The following MMP25 variants were observed in gnomAD, a reference collection of about 807,000 sequenced individuals.
The protein encoded by MMP25 is matrix metallopeptidase 25.
A neutral mutation model predicts 62.1 loss-of-function variants in MMP25; 68 were observed. The ratio of observed to expected loss-of-function variants is 1.10; its 90% CI spans 0.90 to 1.34. The LOEUF is 1.34. Ranked by LOEUF, MMP25 falls within the 40% of genes most tolerant of loss-of-function variation. MMP25 has a pLI of 0.00. For synonymous variants in MMP25, 407 were observed against 345.6 expected, an observed-to-expected ratio of 1.18 and a Z score of -1.97; for missense variants, 942 against 792.5, an observed-to-expected ratio of 1.19 and a Z score of -2.26.
intron 2 of MMP25, among the ~76,000 whole-genome samples, chr16:3,048,980 G>T (rs1955860249): frequency 6.6e-6 from 1 of 151,768 alleles, no homozygotes; most frequent in Non-Finnish European, 1.5e-5. Flanking sequence ...TAATTTTTTT[G>T]TATGTTTAGT....
Position 3,057,600 on chromosome 16 carries a change from T to G in MMP25, c.993T>G (p.Thr331=), listed in dbSNP as rs767710690. The change falls in exon 7 of 10, where the codon ACT becomes ACG. Residue 331 remains threonine (T), a synonymous_variant. Transcript: ENST00000336577. ...CCATCGCCAACATCCGAGGGGAAAC[T>G]TTCTTCTTCAAAGGTGAGTCATTTC... ...FDAIANIRGE[T]FFFKGPWFWR... 6.2e-7 allele frequency: 1 copy of G among 1,614,038 alleles called. No homozygotes were observed. The highest frequency in any genetic ancestry group is 2.2e-5 in the East Asian group (1 of 44,898).
Position 3,046,651 on chromosome 16 carries a change from G to C in MMP25, c.-267G>C. ...GCCGCCGCGGCACATCCAGACCTCC[G>C]CCGCTCCCGCGCCCTCTCAACCATC... On this transcript the variant is annotated 5_prime_UTR_variant, in exon 1 of 10. Transcript: ENST00000336577. The C allele has an allele frequency of 5.2e-6, 1 of 192,962 alleles. No homozygotes were observed. The allele number at this position is 192,962 out of a possible 1,614,324, so 12.0% of individuals were successfully genotyped here. A position where few individuals can be genotyped will look rare whatever the true frequency, so the allele number is the denominator to read the frequency against.
chr16:3,059,935 A>T lies in MMP25; in HGVS notation c.*837A>T, dbSNP rs1266779710. 1 of 152,210 alleles carries T rather than the reference A, an allele frequency of 6.6e-6. No individual in the cohort carries two copies. The highest frequency in any genetic ancestry group is 1.5e-5 in the Non-Finnish European group (1 of 68,148). 9.4% of individuals were successfully genotyped at this position (152,210 alleles called of 1,614,324 possible). On this transcript the variant is annotated 3_prime_UTR_variant, in exon 10 of 10. Transcript: ENST00000336577. ...CTCCCTGGGCCCAGAACTGCCTTCC[A>T]TTCAATGGGGAACCCTTCTATCCCC...
At chr16:3,054,250 A>T (rs555893531) in intron 4 of MMP25, 1 of 152,396 alleles carries the variant, frequency 6.6e-6, no homozygotes, top group South Asian at 1.8e-4. Context: ...GCAGGGATGA[A>T]TGGACGGACA....
intron 4 of MMP25, among the ~76,000 whole-genome samples, chr16:3,055,512 G>T (rs1383978649): frequency 6.6e-6 from 1 of 152,182 alleles, no homozygotes; most frequent in Non-Finnish European, 1.5e-5. Context: ...CAGAGCCAGG[G>T]TACCTGGCCA....
chr16:3,059,404 C>A lies in MMP25; in HGVS notation c.*306C>A, dbSNP rs1313957596. 4 of 282,344 alleles carry A rather than the reference C, an allele frequency of 1.4e-5. No individual in the cohort carries two copies. In the East Asian group the frequency reaches 1.7e-4, roughly 12 times the overall value. The allele number at this position is 282,344 out of a possible 1,614,324, so 17.5% of individuals were successfully genotyped here. On this transcript the variant is annotated 3_prime_UTR_variant, in exon 10 of 10. Coordinates refer to ENST00000336577, the MANE Select transcript of MMP25 (RefSeq NM_022468.5). ...GCCCCCGTCGTTCCCTCCCGGCTGC[C>A]GCCAGGGGGCGGTCGGACCCCGCCT...
rs1335703710 is a variant in MMP25, at chr16:3,058,392, TC to T, written c.1160-17del. The T allele has an allele frequency of 2.0e-6, 3 of 1,510,922 alleles. No homozygotes were observed. The African/African-American group carries it at 4.3e-5, about 22-fold the overall frequency. The allele number at this position is 1,510,922 out of a possible 1,614,324, so 93.6% of individuals were successfully genotyped here. On this transcript the variant is annotated intron_variant, in intron 8 of 9. Transcript: ENST00000336577. Reference sequence around the variant, plus strand: ...CGGCGCGGGGAGCCCACCCCTGACCTCCCGGCCTCCACCCTGCAGGGCCCCA... The same window carrying T: ...CGGCGCGGGGAGCCCACCCCTGACCTCCGGCCTCCACCCTGCAGGGCCCCA...
Position 3,059,215 on chromosome 16 carries a change from C to T in MMP25, c.*117C>T. 3 of 1,266,174 alleles carry T rather than the reference C, an allele frequency of 2.4e-6. No homozygotes were observed. The highest frequency in any genetic ancestry group is 3.4e-5 in the South Asian group (2 of 58,680). 78.4% of individuals were successfully genotyped at this position (1,266,174 alleles called of 1,614,324 possible). ...CCTTGTCTGTTCCCACGGACGGGGGCTCGGGCGCGGACTAAGCAGGGGGGA... is the reference window on the plus strand; with the variant it reads ...CCTTGTCTGTTCCCACGGACGGGGGTTCGGGCGCGGACTAAGCAGGGGGGA... On this transcript the variant is annotated 3_prime_UTR_variant, in exon 10 of 10. Coordinates refer to ENST00000336577, the MANE Select transcript of MMP25 (RefSeq NM_022468.5).
Position 3,057,210 on chromosome 16 carries a change from G to A in MMP25, c.838+1G>A. The A allele has an allele frequency of 1.2e-6, 2 of 1,613,190 alleles. No homozygotes were observed. The highest frequency in any genetic ancestry group is 1.7e-6 in the Non-Finnish European group (2 of 1,179,568). The stretch of plus-strand genomic sequence containing the variant: ...CGCGATGGCCTGCAGCAACTCTATG[G>A]TAGGGGGAGAGGGACCTGCCGCGAA... On this transcript the variant is annotated splice_donor_variant, in intron 5 of 9. Coordinates refer to ENST00000336577, the MANE Select transcript of MMP25 (RefSeq NM_022468.5). LOFTEE classifies it high-confidence loss of function.
In MMP25 at chr16:3,058,971, C is replaced by A. The variant is rs569853317; in HGVS notation, c.1562C>A (p.Pro521His). The A allele has an allele frequency of 9.7e-6, 15 of 1,554,270 alleles. No homozygotes were observed. The highest frequency in any genetic ancestry group is 1.3e-5 in the Non-Finnish European group (15 of 1,149,154). The change falls in exon 10 of 10, where the codon CCC (proline) becomes CAC (histidine). Residue 521 changes from proline to histidine, a missense_variant. Pro to His is a moderately conservative substitution (Grantham distance 77). Transcript: ENST00000336577. ...TCTGGTCCCCGCGCCCCCAGGCCCCCCAAAGCGACCCCCGTGTCCGAAACC... is the reference window on the plus strand; with the variant it reads ...TCTGGTCCCCGCGCCCCCAGGCCCCACAAAGCGACCCCCGTGTCCGAAACC... ...PSSGPRAPRPPKATPVSETCD... is the reference protein window; with the variant it reads ...PSSGPRAPRPHKATPVSETCD...
In MMP25 at chr16:3,050,295, C is replaced by A; in HGVS notation, c.410C>A (p.Thr137Asn). The change falls in exon 4 of 10, where the codon ACC (threonine) becomes AAC (asparagine). Residue 137 changes from threonine to asparagine, a missense_variant. By Grantham distance (65) the Thr-to-Asn change is moderately conservative. Transcript: ENST00000336577. ...CAGAGCTCCCAGCTGAGCCAGGAGA[C>A]CGTGCGGGTCCTCATGAGCTATGCC... ...FPQSSQLSQE[T>N]VRVLMSYALM... 2 of 1,609,432 alleles carry A rather than the reference C, an allele frequency of 1.2e-6. No individual in the cohort carries two copies. Among genetic ancestry groups the A allele is most frequent in the Non-Finnish European group, 1.7e-6 (2 of 1,176,792 alleles).
Position 3,050,108 on chromosome 16 carries a change from G to A in MMP25, c.332G>A (p.Ser111Asn), listed in dbSNP as rs146614659. ...AGGCGGCGTCGCCGGTACGCTCTGA[G>A]CGGCAGCGTGTGGAAGAAGCGAACC... ...LVRRRRRYAL[S>N]GSVWKKRTLT... Residue 111 changes from serine (S) to asparagine (N), a missense_variant, in exon 3 of 10, where the codon AGC (serine) becomes AAC (asparagine). By Grantham distance (46) the Ser-to-Asn change is conservative. Transcript: ENST00000336577. 14 of 1,609,522 alleles carry A rather than the reference G, an allele frequency of 8.7e-6. No homozygotes were observed. The highest frequency in any genetic ancestry group is 2.2e-5 in the South Asian group (2 of 91,010).
intron 4 of MMP25, among the ~76,000 whole-genome samples, chr16:3,055,358 G>A (rs1241700815): frequency 6.6e-6 from 1 of 152,160 alleles, no homozygotes; most frequent in Non-Finnish European, 1.5e-5. Flanking sequence ...GAAAGATATC[G>A]CCCTGATTGA....
chr16:3,058,906 G>A lies in MMP25; in HGVS notation c.1497G>A (p.Gln499=). The part of the protein sequence containing the change: ...NSIKTEPDAP[Q]PMGPNWLDCP... ...TCAAGACCGAGCCGGACGCCCCCCA[G>A]CCCATGGGGCCCAACTGGCTGGACT... Residue 499 remains glutamine, a synonymous_variant, in exon 10 of 10, where the codon CAG becomes CAA. Coordinates refer to ENST00000336577, the MANE Select transcript of MMP25 (RefSeq NM_022468.5). 6.4e-7 allele frequency: 1 copy of A among 1,553,512 alleles called. No homozygotes were observed. The highest frequency in any genetic ancestry group is 1.4e-5 in the African/African-American group (1 of 73,676).
intron 4 of MMP25, 137 bp from the exon 5 acceptor site, chr16:3,056,896 C>T: frequency 1.2e-6 from 1 of 806,766 alleles, no homozygotes; most frequent in Non-Finnish European, 1.9e-6. Flanking sequence ...TCAGGAAGGG[C>T]TGGGCAGAGG....
At chr16:3,052,534 T>C (rs956079414) in intron 4 of MMP25, 1 of 149,348 alleles carries the variant, frequency 6.7e-6, no homozygotes, top group African/African-American at 2.5e-5. Context: ...GATGGTGGAG[T>C]GTGGTCCTGG....
Position 3,058,928 on chromosome 16 carries a change from G to C in MMP25, c.1519G>C (p.Asp507His). 4 of 1,551,126 alleles carry C rather than the reference G, an allele frequency of 2.6e-6. No individual in the cohort carries two copies. In the South Asian group the frequency reaches 4.8e-5, roughly 18 times the overall value. ...APQPMGPNWL[D>H]CPAPSSGPRA... ...CCAGCCCATGGGGCCCAACTGGCTG[G>C]ACTGCCCCGCCCCGAGCTCTGGTCC... The change falls in exon 10 of 10, where the codon GAC (aspartate) becomes CAC (histidine). Residue 507 changes from aspartate (D) to histidine (H), a missense_variant. By Grantham distance (81) the Asp-to-His change is moderately conservative. Transcript: ENST00000336577.
In MMP25 at chr16:3,050,136, G is replaced by A; in HGVS notation, c.360G>A (p.Leu120=). ...LSGSVWKKRT[L]TWRVRSFPQS... ...GCAGCGTGTGGAAGAAGCGAACCCT[G>A]ACATGGAGGTAGGTCCTGGGGCCCA... The change falls in exon 3 of 10, where the codon CTG becomes CTA. Residue 120 remains leucine, a synonymous_variant. Coordinates refer to ENST00000336577, the MANE Select transcript of MMP25 (RefSeq NM_022468.5). 2 of 1,605,920 alleles carry A rather than the reference G, an allele frequency of 1.2e-6. No individual in the cohort carries two copies. Among genetic ancestry groups the A allele is most frequent in the Non-Finnish European group, 1.7e-6 (2 of 1,174,302 alleles).
chr16:3,055,794 T>A (rs1259053124), intron 4 of MMP25: 1 of 454,420 alleles, frequency 2.2e-6, no homozygotes. Flanking sequence ...CTCCCTGTGG[T>A]GCTGCGGGGC....
Sources: allele counts gnomAD v4.1 joint callset (sites outside exome capture counted in the v4.1 genomes callset), GRCh38; gene constraint gnomAD v4.1.1; transcripts MANE v1.5; gene names NCBI Gene and HGNC (gene_info 2026-07-23, HGNC 2026-07-21).